The following EYS variants were observed in gnomAD, a reference collection of about 807,000 sequenced individuals.
EYS encodes EGF-like photoreceptor maintenance factor, also known as protein eyes shut homolog.
A neutral mutation model predicts 282.1 loss-of-function variants in EYS; 250 were observed. The observed-to-expected ratio is 0.89, with a 90% CI of 0.80 to 0.98. The LOEUF is 0.98. EYS is among the 50% of genes least tolerant of loss of function. EYS has a pLI of 0.00. For synonymous variants in EYS, 1,355 were observed against 1,282.9 expected (o/e 1.06, Z -1.20); for missense variants, 4,016 against 3,709.0 (o/e 1.08, Z -2.15).
intron 36 of EYS, among the ~76,000 whole-genome samples, chr6:63,860,660 C>T (rs1772511118): frequency 6.6e-6 from 1 of 152,200 alleles, no homozygotes; most frequent in Non-Finnish European, 1.5e-5. Context: ...ATCTTCTCTC[C>T]TATTTCCTGG....
rs888835832 is a variant in EYS at position 65,365,627 on chromosome 6, C to T, written c.1300-12010G>A. Reference sequence around the variant, plus strand: ...GGCCTGTCTTCCTCAACATTGTGTGCCTGGAGTTGAGTTTCCACAATGTAA... The same window carrying T: ...GGCCTGTCTTCCTCAACATTGTGTGTCTGGAGTTGAGTTTCCACAATGTAA... On this transcript the variant is annotated intron_variant, in intron 8 of 42. Transcript: ENST00000503581. Among the ~76,000 whole-genome samples the T allele has an allele frequency of 5.3e-5, 8 of 151,694 alleles. No individual in the cohort carries two copies. The East Asian group carries it at 1.4e-3, about 26-fold the overall frequency.
At chr6:63,817,042 G>A (rs554510931) in intron 36 of EYS, among the ~76,000 whole-genome samples, 2 of 152,266 alleles carry the variant, frequency 1.3e-5, no homozygotes, top group East Asian at 3.9e-4. Context: ...TGTTTATGTT[G>A]TGATACTGTC....
chr6:65,539,052 T>G (rs1043751177), intron 2 of EYS, among the ~76,000 whole-genome samples: 3 of 152,218 alleles, frequency 2.0e-5, no homozygotes, highest in African/African-American at 7.2e-5. Flanking sequence ...TAAATTATTC[T>G]CCATTGTATT....
At position 65,334,996 on chromosome 6, in the gene EYS, C is replaced by A. The variant is rs527236072; in HGVS notation, c.1750G>T (p.Glu584Ter). Residue 584 changes from glutamate to a stop codon, truncating the protein, a stop_gained, in exon 11 of 43, where the codon GAA becomes TAA. Transcript: ENST00000503581. LOFTEE classifies it high-confidence loss of function. Reference sequence around the variant, plus strand: ...CATAAATACCTGGGTCTATTAATTTCATCTTTACAAACAGCTTCATGTTGA... The same window carrying A: ...CATAAATACCTGGGTCTATTAATTTAATCTTTACAAACAGCTTCATGTTGA... ...ECQHEAVCKD[E>*]INRPRCSCSL... is the part of the protein sequence containing the mutation. 1.2e-6 allele frequency: 2 copies of A among 1,609,544 alleles called. No individual in the cohort carries two copies. Among genetic ancestry groups the A allele is most frequent in the East Asian group, 4.5e-5 (2 of 44,732 alleles).
chr6:64,644,664 G>A (rs555143227), intron 22 of EYS, among the ~76,000 whole-genome samples: 1 of 152,190 alleles, frequency 6.6e-6, no homozygotes, highest in African/African-American at 2.4e-5. Context: ...TGATGAGCAA[G>A]GAAATTATAT....
intron 8 of EYS, among the ~76,000 whole-genome samples, chr6:65,369,385 G>T (rs1022521984): frequency 1.4e-5 from 2 of 144,944 alleles, no homozygotes; most frequent in Non-Finnish European, 3.0e-5. Flanking sequence ...TTCCAACAAA[G>T]CAAGAAAATA....
intron 2 of EYS, among the ~76,000 whole-genome samples, chr6:65,500,919 TG>T (rs1029419760): frequency 6.0e-4 from 91 of 151,728 alleles, no homozygotes; most frequent in African/African-American, 2.1e-3. Context: ...CGCTTGGGGG[TG>T]GGGGAAAGTC....
At chr6:65,090,444 T>C (rs539360396) in intron 12 of EYS, among the ~76,000 whole-genome samples, 1 of 152,250 alleles carries the variant, frequency 6.6e-6, no homozygotes, top group African/African-American at 2.4e-5. Context: ...TACCCAGTCT[T>C]GGGTACATCT....
chr6:64,735,456 C>A (rs772906865), intron 22 of EYS, among the ~76,000 whole-genome samples: 1 of 152,056 alleles, frequency 6.6e-6, no homozygotes, highest in African/African-American at 2.4e-5. Flanking sequence ...CACAACTGAT[C>A]TGAAAATTGC....
At chr6:65,522,524 G>C (rs534960894) in intron 2 of EYS, among the ~76,000 whole-genome samples, 2 of 152,146 alleles carry the variant, frequency 1.3e-5, no homozygotes, top group Non-Finnish European at 1.5e-5. Context: ...TTGTTTTTGA[G>C]AGAGTCGATC....
At chr6:64,027,580 C>A (rs1769589840) in intron 33 of EYS, among the ~76,000 whole-genome samples, 1 of 152,174 alleles carries the variant, frequency 6.6e-6, no homozygotes, top group African/African-American at 2.4e-5. Flanking sequence ...GGCCCTCAGA[C>A]AAACAAACCT....
At chr6:65,232,232 G>A (rs1227508145) in intron 12 of EYS, among the ~76,000 whole-genome samples, 1 of 151,846 alleles carries the variant, frequency 6.6e-6, no homozygotes, top group Non-Finnish European at 1.5e-5. Flanking sequence ...CAGAACTGTG[G>A]GTGCAGATAT....
intron 11 of EYS, chr6:65,331,698 A>T: frequency 2.0e-6 from 2 of 980,846 alleles, no homozygotes; most frequent in Non-Finnish European, 2.4e-6. Flanking sequence ...CTTAGTAAAT[A>T]AAAAAGCTTC....
intron 28 of EYS, among the ~76,000 whole-genome samples, chr6:64,409,802 C>A (rs11756450): frequency 0.27 from 41,077 of 151,912 alleles, 5,669 homozygotes; most frequent in East Asian, 0.46. Flanking sequence ...GTTGATAGGT[C>A]TATAGGGTCT....
intron 36 of EYS, among the ~76,000 whole-genome samples, chr6:63,808,907 A>T (rs1582228075): frequency 6.6e-6 from 1 of 152,228 alleles, no homozygotes; most frequent in Non-Finnish European, 1.5e-5. Flanking sequence ...TATTACTAAA[A>T]TAAATTTCAC....
At chr6:65,125,924 A>G (rs1775706114) in intron 12 of EYS, among the ~76,000 whole-genome samples, 1 of 152,086 alleles carries the variant, frequency 6.6e-6, no homozygotes, top group Non-Finnish European at 1.5e-5. Flanking sequence ...ATCAGTCTCT[A>G]CATCTGAACC....
At chr6:65,648,135 TA>T (rs1370034360) in intron 1 of EYS, among the ~76,000 whole-genome samples, 15 of 152,254 alleles carry the variant, frequency 9.9e-5, no homozygotes, top group African/African-American at 3.6e-4. Flanking sequence ...CTTAAAGAAT[TA>T]AAAGTAGATC....
chr6:64,464,129 C>T (rs1016305887), intron 26 of EYS, among the ~76,000 whole-genome samples: 5 of 152,108 alleles, frequency 3.3e-5, no homozygotes, highest in Admixed American at 6.5e-5. Context: ...CCCAGGGATA[C>T]AAGGATGGTT....
chr6:64,297,099 C>A (rs1769056344), intron 30 of EYS, among the ~76,000 whole-genome samples: 1 of 152,084 alleles, frequency 6.6e-6, no homozygotes, highest in Non-Finnish European at 1.5e-5. Flanking sequence ...GTAGTCTGCA[C>A]ACAGCTTGTG....
Sources: gnomAD v4.1 joint callset for allele counts (sites outside exome capture counted in the v4.1 genomes callset) on GRCh38, gnomAD v4.1.1 for gene constraint, MANE v1.5 for transcripts, NCBI Gene and HGNC (gene_info 2026-07-23, HGNC 2026-07-21) for gene names.